NCS1: variants seen among roughly 807,000 people sequenced by gnomAD.
NCS1 encodes neuronal calcium sensor 1.
In NCS1, 6 loss-of-function variants were observed where a neutral mutation model predicts 28.4. That is an observed-to-expected ratio of 0.21 (90% confidence interval 0.12 to 0.42). The LOEUF is 0.42. Among genes scored for constraint, NCS1 ranks in the 10% least tolerant of loss-of-function variants. The probability of loss-of-function intolerance (pLI) is 1.00; values close to 1 mark genes in which losing one functional copy is unlikely to be tolerated. For synonymous variants in NCS1, 86 were observed against 99.3 expected (o/e 0.87, Z 0.79); for missense variants, 131 against 241.4 (o/e 0.54, Z 3.03).
In NCS1 at chr9:130,191,357, G is replaced by A. The variant is rs1452793856; in HGVS notation, c.65-9601G>A. Reference sequence around the variant, plus strand: ...CTGGCCTGGCCCGAGTCTGCCCTCCGGGGCCAGGGACTCCATCTACTCGCC... The same window carrying A: ...CTGGCCTGGCCCGAGTCTGCCCTCCAGGGCCAGGGACTCCATCTACTCGCC... On this transcript the variant is annotated intron_variant, in intron 1 of 7. Transcript: ENST00000372398. The surrounding 1 kb of genome is among the most constrained non-coding windows in gnomAD (Gnocchi z 6.4). 1.3e-5 allele frequency among the ~76,000 whole-genome samples: 2 copies of A among 152,118 alleles called. No individual in the cohort carries two copies. Among genetic ancestry groups the A allele is most frequent in the African/African-American group, 2.4e-5 (1 of 41,436 alleles).
intron 1 of NCS1, among the ~76,000 whole-genome samples, chr9:130,197,625 G>T (rs1282705235): frequency 6.6e-6 from 1 of 152,180 alleles, no homozygotes; most frequent in African/African-American, 2.4e-5. Context: ...GCTGGGGGCA[G>T]GTGGCCAGGA....
intron 1 of NCS1, among the ~76,000 whole-genome samples, chr9:130,178,556 C>T (rs1252412670): frequency 2.0e-5 from 3 of 152,074 alleles, no homozygotes; most frequent in Admixed American, 6.5e-5. Flanking sequence ...GGTGTCCTGT[C>T]GAGTGGGCCG....
intron 1 of NCS1, among the ~76,000 whole-genome samples, chr9:130,194,634 G>A (rs1832856569): frequency 6.6e-6 from 1 of 152,178 alleles, no homozygotes; most frequent in African/African-American, 2.4e-5. Context: ...AGGACTTGGA[G>A]GTTCAGAGGG....
At chr9:130,187,210 C>T (rs1798161853) in intron 1 of NCS1, among the ~76,000 whole-genome samples, 1 of 152,158 alleles carries the variant, frequency 6.6e-6, no homozygotes, top group Admixed American at 6.5e-5. Context: ...CGGCAGGTAT[C>T]CCAGTCAAGG....
intron 2 of NCS1, among the ~76,000 whole-genome samples, chr9:130,212,639 C>T (rs544454759): frequency 4.6e-5 from 7 of 151,136 alleles, no homozygotes; most frequent in African/African-American, 7.3e-5. Flanking sequence ...GCAGGTCTGG[C>T]GGCAGCGTGT....
rs11552451 is a variant in NCS1, at chr9:130,236,278, G to C, written c.*3306G>C. 0.16 allele frequency: 24,775 copies of C among 152,142 alleles called. 2,105 individuals are homozygous for C. The highest frequency in any genetic ancestry group is 0.21 in the African/African-American group (8,751 of 41,502). 9.4% of individuals were successfully genotyped at this position (152,142 alleles called of 1,614,324 possible). On this transcript the variant is annotated 3_prime_UTR_variant, in exon 8 of 8. Coordinates refer to ENST00000372398, the MANE Select transcript of NCS1 (RefSeq NM_014286.4). ...CGGAAAGTCACCCTGTTCCCAGCGCGGTTTCAGCATTTAATTTTAAGGGAG... is the reference window on the plus strand; with the variant it reads ...CGGAAAGTCACCCTGTTCCCAGCGCCGTTTCAGCATTTAATTTTAAGGGAG...
intron 2 of NCS1, among the ~76,000 whole-genome samples, chr9:130,217,165 C>T (rs1229791427): frequency 1.3e-5 from 2 of 152,186 alleles, no homozygotes; most frequent in African/African-American, 4.8e-5. Flanking sequence ...CAGTGAATGG[C>T]AGAGATCTGT....
intron 2 of NCS1, among the ~76,000 whole-genome samples, chr9:130,201,461 C>T (rs879969105): frequency 4.6e-5 from 7 of 152,094 alleles, no homozygotes; most frequent in South Asian, 2.1e-4. Context: ...ATAAGGATTC[C>T]GAGGCCGTAC....
chr9:130,232,190 T>C lies in NCS1; in HGVS notation c.*18-800T>C, dbSNP rs536434835. On this transcript the variant is annotated intron_variant, in intron 7 of 7. Coordinates refer to ENST00000372398, the MANE Select transcript of NCS1 (RefSeq NM_014286.4). The surrounding 1 kb of genome is among the most constrained non-coding windows in gnomAD (Gnocchi z 4.4). The stretch of plus-strand genomic sequence containing the variant: ...TTGAACTCCTGGCCTCAAGCGATCC[T>C]CCTGCCTTGGCCTCCCAAAGTGCTA... Among the ~76,000 whole-genome samples the C allele has an allele frequency of 1.1e-4, 16 of 152,260 alleles. No homozygotes were observed. The East Asian group carries it at 3.1e-3, about 29-fold the overall frequency.
intron 2 of NCS1, among the ~76,000 whole-genome samples, chr9:130,213,749 T>C (rs1216748254): frequency 6.6e-6 from 1 of 151,978 alleles, no homozygotes; most frequent in Non-Finnish European, 1.5e-5. Context: ...CGTGCTTATT[T>C]TGTATATATA....
At chr9:130,214,786 C>T (rs1029166371) in intron 2 of NCS1, among the ~76,000 whole-genome samples, 1 of 152,132 alleles carries the variant, frequency 6.6e-6, no homozygotes, top group Non-Finnish European at 1.5e-5. Flanking sequence ...ATGGACATCA[C>T]CTCATGGGGG....
chr9:130,228,633 G>A (rs1183259758), intron 7 of NCS1, among the ~76,000 whole-genome samples: 1 of 148,920 alleles, frequency 6.7e-6, no homozygotes, highest in African/African-American at 2.5e-5. Context: ...TTGGCATTTT[G>A]TTTAGGAGGT....
At chr9:130,194,241 T>C (rs1564705875) in intron 1 of NCS1, among the ~76,000 whole-genome samples, 1 of 150,932 alleles carries the variant, frequency 6.6e-6, no homozygotes. Context: ...CTCCTGGGAC[T>C]GGCTCTCGTG....
intron 1 of NCS1, among the ~76,000 whole-genome samples, chr9:130,182,304 C>G (rs1352416728): frequency 1.3e-5 from 2 of 152,148 alleles, no homozygotes; most frequent in African/African-American, 2.4e-5. Context: ...CCACCCGGCG[C>G]CTGCCTCCCA....
intron 2 of NCS1, among the ~76,000 whole-genome samples, chr9:130,203,491 G>C (rs1554907700): frequency 6.6e-6 from 1 of 152,192 alleles, no homozygotes; most frequent in East Asian, 1.9e-4. Context: ...ATCTCCCAAG[G>C]AGGGCCAGGG....
At chr9:130,189,877 A>T (rs868955082) in intron 1 of NCS1, among the ~76,000 whole-genome samples, 2,983 of 48,756 alleles carry the variant, frequency 0.061, 21 homozygotes, top group Non-Finnish European at 0.076. Flanking sequence ...AAAAAAAAAA[A>T]AAATATATAT....
chr9:130,225,937 C>G (rs543754680), intron 6 of NCS1, among the ~76,000 whole-genome samples: 100 of 152,320 alleles, frequency 6.6e-4, no homozygotes, highest in African/African-American at 2.2e-3. Flanking sequence ...GTCCAGCCCC[C>G]TGCCGGGTCT....
intron 1 of NCS1, among the ~76,000 whole-genome samples, chr9:130,182,426 G>A (rs547381831): frequency 3.3e-5 from 5 of 152,206 alleles, no homozygotes; most frequent in Non-Finnish European, 7.4e-5. Context: ...CAGGCATCCC[G>A]GACTCCTGGG....
At chr9:130,221,407 T>G (rs1250507787) in intron 4 of NCS1, among the ~76,000 whole-genome samples, 8,891 of 41,002 alleles carry the variant, frequency 0.22, 428 homozygotes, top group Non-Finnish European at 0.27. Flanking sequence ...TATATATATA[T>G]ATATATAGAG....
Sources: gnomAD v4.1 joint callset for allele counts (sites outside exome capture counted in the v4.1 genomes callset) on GRCh38, gnomAD v4.1.1 for gene constraint, Gnocchi (gnomAD v3.1) non-coding constraint, MANE v1.5 for transcripts, NCBI Gene and HGNC (gene_info 2026-07-23, HGNC 2026-07-21) for gene names.